CHL1: variants seen among roughly 807,000 people sequenced by gnomAD.
The protein encoded by CHL1 is neural cell adhesion molecule L1-like protein.
A neutral mutation model predicts 141.9 loss-of-function variants in CHL1; 96 were observed. The ratio of observed to expected loss-of-function variants is 0.68; its 90% CI spans 0.57 to 0.80. The LOEUF (loss-of-function observed/expected upper bound fraction) is 0.80, where lower values mean the gene tolerates loss of function less well. CHL1 is among the 30% of genes least tolerant of loss of function. CHL1 has a pLI of 0.00. For synonymous variants in CHL1, 613 were observed against 502.2 expected, an observed-to-expected ratio of 1.22 and a Z score of -2.95; for missense variants, 1,820 against 1,457.2, an observed-to-expected ratio of 1.25 and a Z score of -4.05.
At chr3:236,188 G>C (rs1266472626) in intron 1 of CHL1, among the ~76,000 whole-genome samples, 1 of 152,148 alleles carries the variant, frequency 6.6e-6, no homozygotes, top group Non-Finnish European at 1.5e-5. Flanking sequence ...TTTCCCAGGA[G>C]CTTTGTCATA....
intron 3 of CHL1, among the ~76,000 whole-genome samples, chr3:324,144 G>A (rs553044299): frequency 3.3e-5 from 5 of 151,948 alleles, no homozygotes; most frequent in Middle Eastern, 6.8e-3. Context: ...AGACCAACAC[G>A]TTGAGAACAA....
chr3:314,323 CTATGTG>C (rs1699989000), intron 2 of CHL1, among the ~76,000 whole-genome samples: 1 of 60,160 alleles, frequency 1.7e-5, no homozygotes, highest in Non-Finnish European at 3.4e-5. Flanking sequence ...CTCTCTCTCT[CTATGTG>C]TATATATATA....
At chr3:262,847 C>T (rs1694849674) in intron 2 of CHL1, among the ~76,000 whole-genome samples, 1 of 152,138 alleles carries the variant, frequency 6.6e-6, no homozygotes, top group Non-Finnish European at 1.5e-5. Context: ...CCTTCAAAGA[C>T]ATCACTGTGC....
intron 11 of CHL1, among the ~76,000 whole-genome samples, chr3:355,980 T>G (rs1211933362): frequency 6.6e-6 from 1 of 152,144 alleles, no homozygotes; most frequent in Non-Finnish European, 1.5e-5. Flanking sequence ...GGTTGTTTTG[T>G]GGATTAAAGG....
chr3:229,859 C>T (rs545420816), intron 1 of CHL1, among the ~76,000 whole-genome samples: 64 of 152,256 alleles, frequency 4.2e-4, no homozygotes, highest in African/African-American at 1.5e-3. Context: ...TGTGCCCCAC[C>T]ACCTCTTCCC....
intron 16 of CHL1, among the ~76,000 whole-genome samples, chr3:379,561 A>G (rs1156481134): frequency 2.0e-5 from 3 of 152,072 alleles, no homozygotes; most frequent in Admixed American, 1.3e-4. Flanking sequence ...AAGTATTTTG[A>G]GCAGTCTCAG....
intron 2 of CHL1, among the ~76,000 whole-genome samples, chr3:319,384 G>A (rs566060818): frequency 6.1e-4 from 93 of 151,344 alleles, no homozygotes; most frequent in Non-Finnish European, 1.2e-3. Context: ...TAGAAGTTGA[G>A]AATAAAAAAG....
At chr3:379,903 G>C in intron 16 of CHL1, among the ~76,000 whole-genome samples, 1 of 152,052 alleles carries the variant, frequency 6.6e-6, no homozygotes, top group East Asian at 1.9e-4. Flanking sequence ...GTTTCTAAAA[G>C]ACTATGTTTT....
At chr3:206,335 G>A (rs1240490050) in intron 1 of CHL1, among the ~76,000 whole-genome samples, 2 of 152,044 alleles carry the variant, frequency 1.3e-5, no homozygotes, top group African/African-American at 4.8e-5. Context: ...GGGCATGATG[G>A]CATGCCTGTA....
chr3:277,108 C>A (rs1405135534), intron 2 of CHL1, among the ~76,000 whole-genome samples: 28 of 151,916 alleles, frequency 1.8e-4, no homozygotes. Context: ...TAGAACAGTG[C>A]CTGATACACA....
At chr3:202,138 T>A (rs567750118) in intron 1 of CHL1, among the ~76,000 whole-genome samples, 2 of 152,326 alleles carry the variant, frequency 1.3e-5, no homozygotes, top group East Asian at 3.9e-4. Context: ...AAGACTAGTT[T>A]CTTCTTTAGA....
chr3:334,939 A>G (rs1701750969), intron 5 of CHL1, among the ~76,000 whole-genome samples: 1 of 152,268 alleles, frequency 6.6e-6, no homozygotes, highest in African/African-American at 2.4e-5. Flanking sequence ...GCTGAAAAAT[A>G]AAAGAATGAA....
chr3:349,570 T>C (rs1470055903), intron 10 of CHL1, 27 bp downstream of exon 10: 1 of 1,586,816 alleles, frequency 6.3e-7, no homozygotes, highest in East Asian at 2.2e-5. Context: ...GGTCTATTTC[T>C]CTGCTTTTCA....
At chr3:389,223 G>C (rs191916072) in intron 19 of CHL1, 29 bp from the exon 20 acceptor site, 1 of 1,548,098 alleles carries the variant, frequency 6.5e-7, no homozygotes, top group African/African-American at 1.4e-5. Flanking sequence ...TCTGTGATCA[G>C]ACTAAATGAG....
chr3:264,888 T>C (rs1046076628), intron 2 of CHL1, among the ~76,000 whole-genome samples: 1 of 152,250 alleles, frequency 6.6e-6, no homozygotes, highest in Non-Finnish European at 1.5e-5. Flanking sequence ...TGGTCAGTCA[T>C]AGAGACCACT....
Position 209,032 on chromosome 3 carries a change from A to T in CHL1, c.-175+11969A>T, listed in dbSNP as rs939796459. On this transcript the variant is annotated intron_variant, in intron 1 of 27. Transcript: ENST00000256509. ...AAAAATATAAAGTTAATAAATGACT[A>T]TAATGAGATGTCTCAGCTTTCAACA... 4.6e-5 allele frequency among the ~76,000 whole-genome samples: 7 copies of T among 152,346 alleles called. No homozygotes were observed. The East Asian group carries it at 1.3e-3, about 29-fold the overall frequency.
chr3:331,189 C>A (rs1328186615), intron 5 of CHL1, among the ~76,000 whole-genome samples: 2 of 136,266 alleles, frequency 1.5e-5, no homozygotes, highest in East Asian at 2.1e-4. Context: ...CTTTTCCTTT[C>A]TTTTCTTCCT....
chr3:349,250 A>G (rs1453023662), intron 9 of CHL1, 109 bp from the exon 10 acceptor site: 2 of 850,668 alleles, frequency 2.4e-6, no homozygotes, highest in African/African-American at 1.7e-5. Context: ...TCAGTGGAAT[A>G]TGAGCACATG....
chr3:255,563 C>T (rs1431357753), intron 2 of CHL1, among the ~76,000 whole-genome samples: 1 of 152,052 alleles, frequency 6.6e-6, no homozygotes, highest in Non-Finnish European at 1.5e-5. Flanking sequence ...GGGAAAAAGT[C>T]TAAATACTAA....
Sources: gnomAD v4.1 joint callset for allele counts (sites outside exome capture counted in the v4.1 genomes callset) on GRCh38, gnomAD v4.1.1 for gene constraint, MANE v1.5 for transcripts, NCBI Gene and HGNC (gene_info 2026-07-23, HGNC 2026-07-21) for gene names.